Variants in ARL15 observed in about 807,000 individuals in gnomAD.
The protein encoded by ARL15 is ARF like GTPase 15, also known as ADP-ribosylation factor-like protein 15.
Under a neutral mutation model 25.2 loss-of-function variants are expected in ARL15, and 19 were observed. The observed-to-expected ratio is 0.75, with a 90% CI of 0.53 to 1.10. The LOEUF is 1.10. ARL15 is among the 50% of genes least tolerant of loss of function. The probability of loss-of-function intolerance (pLI) is 0.00; values close to 1 mark genes in which losing one functional copy is unlikely to be tolerated. For missense variants in ARL15, 220 were observed against 246.0 expected (o/e 0.89, Z 0.71); for synonymous variants, 94 against 86.8 (o/e 1.08, Z -0.46).
intron 1 of ARL15, among the ~76,000 whole-genome samples, chr5:54,264,721 A>G (rs1262109904): frequency 6.6e-6 from 1 of 152,098 alleles, no homozygotes; most frequent in African/African-American, 2.4e-5. Context: ...ATTCTTCCCT[A>G]CATATCCACA....
intron 4 of ARL15, among the ~76,000 whole-genome samples, chr5:54,106,946 G>GTAA (rs1752606195): frequency 6.6e-6 from 1 of 152,152 alleles, no homozygotes. Context: ...ACTTCCTGAT[G>GTAA]TAATACATCA....
intron 4 of ARL15, among the ~76,000 whole-genome samples, chr5:53,896,654 G>A (rs1292500353): frequency 2.0e-5 from 3 of 152,066 alleles, no homozygotes; most frequent in Admixed American, 6.5e-5. Context: ...CCGCCACCAC[G>A]CCCGGCTAAT....
At chr5:54,173,768 C>T (rs1170059265) in intron 1 of ARL15, among the ~76,000 whole-genome samples, 1 of 152,086 alleles carries the variant, frequency 6.6e-6, no homozygotes, top group Non-Finnish European at 1.5e-5. Context: ...AGTGACTTTG[C>T]CCAGCTCTCG....
intron 4 of ARL15, among the ~76,000 whole-genome samples, chr5:53,907,677 T>A (rs1745316834): frequency 6.6e-6 from 1 of 150,728 alleles, no homozygotes; most frequent in Non-Finnish European, 1.5e-5. Context: ...TTTGTATTTT[T>A]AGTAGAGACG....
chr5:54,131,609 T>C (rs1228699799), intron 3 of ARL15, among the ~76,000 whole-genome samples: 1 of 152,186 alleles, frequency 6.6e-6, no homozygotes, highest in Non-Finnish European at 1.5e-5. Context: ...TTATGTAAAA[T>C]GTTTTTAGTT....
rs57554255 is a variant in ARL15 at position 54,211,467 on chromosome 5, C to CTT, written c.49-39541_49-39540dup. The stretch of plus-strand genomic sequence containing the variant: ...TTTTAGGCAGCGCTTAAATGAAACA[C>CTT]TTTTTTTTTTTTTTTTTTTTGAGAC... On this transcript the variant is annotated intron_variant, in intron 1 of 4. Transcript: ENST00000504924. Among the ~76,000 whole-genome samples the CTT allele has an allele frequency of 5.4e-3, 641 of 119,610 alleles. 16 individuals are homozygous for CTT. The highest frequency in any genetic ancestry group is 7.4e-3 in the African/African-American group (230 of 31,278). The allele number at this position is 119,610 out of a possible 152,430, so 78.5% of individuals were successfully genotyped here. A position where few individuals can be genotyped will look rare whatever the true frequency, so the allele number is the denominator to read the frequency against.
At chr5:54,306,618 T>C (rs995897824) in intron 1 of ARL15, among the ~76,000 whole-genome samples, 1 of 152,174 alleles carries the variant, frequency 6.6e-6, no homozygotes, top group Non-Finnish European at 1.5e-5. Context: ...CTCAAACTCC[T>C]GACCTCAAGT....
intron 4 of ARL15, among the ~76,000 whole-genome samples, chr5:54,068,042 T>C (rs1476086762): frequency 6.6e-6 from 1 of 152,256 alleles, no homozygotes; most frequent in Admixed American, 6.5e-5. Flanking sequence ...CTTGACACTT[T>C]GTTCTCTGAT....
At chr5:54,034,744 A>G (rs992573523) in intron 4 of ARL15, among the ~76,000 whole-genome samples, 5 of 152,178 alleles carry the variant, frequency 3.3e-5, no homozygotes, top group Admixed American at 1.3e-4. Context: ...CTATAACCTC[A>G]ACCTCCTGGG....
intron 3 of ARL15, among the ~76,000 whole-genome samples, chr5:54,115,539 A>G (rs1752875010): frequency 6.6e-6 from 1 of 152,180 alleles, no homozygotes; most frequent in African/African-American, 2.4e-5. Flanking sequence ...TAAGTGTTTT[A>G]AAAAGAAAAG....
intron 4 of ARL15, among the ~76,000 whole-genome samples, chr5:54,060,152 A>T (rs923811492): frequency 6.3e-5 from 9 of 142,524 alleles, no homozygotes; most frequent in Non-Finnish European, 1.2e-4. Flanking sequence ...AAAAAAAAAA[A>T]CCCCGGGTGC....
chr5:54,115,123 C>T (rs977844674), intron 3 of ARL15, among the ~76,000 whole-genome samples: 3 of 152,128 alleles, frequency 2.0e-5, no homozygotes, highest in Non-Finnish European at 4.4e-5. Flanking sequence ...GCAAATCCTA[C>T]ATATCGAGTC....
chr5:54,293,138 AG>A (rs1758376497), intron 1 of ARL15, among the ~76,000 whole-genome samples: 1 of 152,236 alleles, frequency 6.6e-6, no homozygotes, highest in Non-Finnish European at 1.5e-5. Flanking sequence ...ACTGAAGATC[AG>A]CTCAACATTG....
At chr5:54,065,880 T>C (rs1008788188) in intron 4 of ARL15, among the ~76,000 whole-genome samples, 5 of 152,206 alleles carry the variant, frequency 3.3e-5, no homozygotes. Flanking sequence ...ATTTCACTTA[T>C]TCTATTTATT....
chr5:54,130,602 G>A (rs1025140322), intron 3 of ARL15, among the ~76,000 whole-genome samples: 12 of 152,128 alleles, frequency 7.9e-5, no homozygotes, highest in Non-Finnish European at 1.5e-4. Context: ...ATAGGCTATC[G>A]TGAGAAAACT....
At chr5:53,928,218 AG>A (rs1347850121) in intron 4 of ARL15, among the ~76,000 whole-genome samples, 2 of 152,194 alleles carry the variant, frequency 1.3e-5, no homozygotes, top group Admixed American at 1.3e-4. Context: ...TTCCTGGAGA[AG>A]GGTATGATTT....
chr5:54,065,779 G>T (rs1751211325), intron 4 of ARL15, among the ~76,000 whole-genome samples: 1 of 152,154 alleles, frequency 6.6e-6, no homozygotes, highest in Non-Finnish European at 1.5e-5. Context: ...GACCTAGTAT[G>T]AGAAAAATAA....
At chr5:53,942,865 G>A (rs947572453) in intron 4 of ARL15, among the ~76,000 whole-genome samples, 1 of 152,166 alleles carries the variant, frequency 6.6e-6, no homozygotes, top group African/African-American at 2.4e-5. Flanking sequence ...TAGAAGTCAG[G>A]ACATGTGAGG....
chr5:54,272,107 CTTTTT>C (rs34592464), intron 1 of ARL15, among the ~76,000 whole-genome samples: 12 of 36,748 alleles, frequency 3.3e-4, no homozygotes, highest in Non-Finnish European at 5.6e-4. Context: ...CCACTCCTGG[CTTTTT>C]TTTTTTTTTT....
Sources: allele counts gnomAD v4.1 joint callset (sites outside exome capture counted in the v4.1 genomes callset), GRCh38; gene constraint gnomAD v4.1.1; transcripts MANE v1.5; gene names NCBI Gene and HGNC (gene_info 2026-07-23, HGNC 2026-07-21).